The following CFAP61 variants were observed in gnomAD, a reference collection of about 807,000 sequenced individuals.
The protein encoded by CFAP61 is cilia and flagella associated protein 61.
Under a neutral mutation model 135.6 loss-of-function variants are expected in CFAP61, and 107 were observed. The observed-to-expected ratio is 0.79, with a 90% CI of 0.67 to 0.93. The LOEUF is 0.93. CFAP61 is among the 40% of genes least tolerant of loss of function. The pLI is 0.00. For missense variants in CFAP61, 1,507 were observed against 1,556.2 expected (o/e 0.97, Z 0.53); for synonymous variants, 575 against 578.5 (o/e 0.99, Z 0.09).
chr20:20,164,013 A>G (rs199755635), intron 10 of CFAP61, 37 bp from the exon 11 acceptor site: 2 of 1,549,886 alleles, frequency 1.3e-6, no homozygotes, highest in African/African-American at 1.4e-5. Flanking sequence ...GGGCATTGAC[A>G]GGATTCTCAT....
chr20:20,293,971 A>G (rs1304832627), intron 24 of CFAP61, among the ~76,000 whole-genome samples: 1 of 152,240 alleles, frequency 6.6e-6, no homozygotes, highest in Non-Finnish European at 1.5e-5. Flanking sequence ...ACCTTTGTCA[A>G]AATCATAAAG....
rs572540835 is a variant in CFAP61, at chr20:20,086,421, G to T, written c.567-4423G>T. On this transcript the variant is annotated intron_variant, in intron 6 of 26. Coordinates refer to ENST00000245957, the MANE Select transcript of CFAP61 (RefSeq NM_015585.4). ...TATGAGTGAGAACATGCAGTGTTTG[G>T]TTTTTTTGTCCTTGAGATAGTTTGC... Among the ~76,000 whole-genome samples the T allele has an allele frequency of 1.7e-3, 248 of 148,524 alleles. 1 individual carries two copies. The highest frequency in any genetic ancestry group is 5.7e-3 in the African/African-American group (227 of 40,134).
chr20:20,169,285 A>T (rs779304687), intron 12 of CFAP61, 36 bp from the exon 13 acceptor site: 1 of 1,559,040 alleles, frequency 6.4e-7, no homozygotes, highest in Non-Finnish European at 8.7e-7. Flanking sequence ...AATTTTTTTT[A>T]TTCTTTCTCT....
chr20:20,057,643 T>G (rs1170825896), intron 2 of CFAP61, among the ~76,000 whole-genome samples: 1 of 152,226 alleles, frequency 6.6e-6, no homozygotes, highest in Non-Finnish European at 1.5e-5. Context: ...CTTTTTTCTC[T>G]CTGTTTTGTT....
At chr20:20,217,138 G>A (rs1280110171) in intron 17 of CFAP61, among the ~76,000 whole-genome samples, 2 of 152,316 alleles carry the variant, frequency 1.3e-5, no homozygotes, top group South Asian at 2.1e-4. Flanking sequence ...AGCATACTCT[G>A]TAGGAATTTT....
At chr20:20,252,954 T>C (rs2051077882) in intron 20 of CFAP61, among the ~76,000 whole-genome samples, 1 of 152,192 alleles carries the variant, frequency 6.6e-6, no homozygotes, top group Non-Finnish European at 1.5e-5. Flanking sequence ...TCATCAGTAT[T>C]TTTCAGGTGC....
At chr20:20,069,612 C>T in intron 2 of CFAP61, 1 of 384,370 alleles carries the variant, frequency 2.6e-6, no homozygotes, top group South Asian at 2.0e-5. Flanking sequence ...ATGTACATTT[C>T]AACGTATAGT....
intron 6 of CFAP61, 66 bp from the exon 7 acceptor site, chr20:20,090,777 GT>G (rs2047136491): frequency 6.4e-7 from 1 of 1,554,808 alleles, no homozygotes; most frequent in Non-Finnish European, 8.8e-7. Context: ...CTGGCACACA[GT>G]TGGTGCCCTG....
intron 17 of CFAP61, among the ~76,000 whole-genome samples, chr20:20,224,777 G>A (rs2031670906): frequency 6.6e-6 from 1 of 152,196 alleles, no homozygotes; most frequent in Non-Finnish European, 1.5e-5. Flanking sequence ...AGGATGTGGA[G>A]GTAAGAATTG....
chr20:20,116,875 A>C (rs1434291992), intron 8 of CFAP61, among the ~76,000 whole-genome samples: 1 of 151,752 alleles, frequency 6.6e-6, no homozygotes, highest in East Asian at 1.9e-4. Flanking sequence ...CACATTTGTT[A>C]TACTCCTGGG....
chr20:20,281,897 A>C (rs978719028), intron 22 of CFAP61, among the ~76,000 whole-genome samples: 16 of 152,196 alleles, frequency 1.1e-4, no homozygotes, highest in African/African-American at 3.6e-4. Flanking sequence ...CATGGAGTTT[A>C]TATTGTTGAA....
Position 20,356,322 on chromosome 20 carries a change from G to A in CFAP61, c.3514-3888G>A, listed in dbSNP as rs373254331. 7.8e-5 allele frequency among the ~76,000 whole-genome samples: 11 copies of A among 141,432 alleles called. No homozygotes were observed. The East Asian group carries it at 2.3e-3, about 30-fold the overall frequency. 92.8% of individuals were successfully genotyped at this position (141,432 alleles called of 152,430 possible). On this transcript the variant is annotated intron_variant, in intron 26 of 26. Coordinates refer to ENST00000245957, the MANE Select transcript of CFAP61 (RefSeq NM_015585.4). ...GAGGAGGTGGTCACACTGAGGGGAAGTGGTCACACTGAGGGGAGGTGGTCA... is the reference window on the plus strand; with the variant it reads ...GAGGAGGTGGTCACACTGAGGGGAAATGGTCACACTGAGGGGAGGTGGTCA...
chr20:20,065,783 A>G lies in CFAP61; in HGVS notation c.144-5071A>G, dbSNP rs150356044. Among the ~76,000 whole-genome samples the G allele has an allele frequency of 2.8e-3, 420 of 152,260 alleles. 7 individuals are homozygous for G. The South Asian group carries it at 0.055, about 20-fold the overall frequency. On this transcript the variant is annotated intron_variant, in intron 2 of 26. Transcript: ENST00000245957. ...GCCGATGAGTGGGGAAAGGGCTGAA[A>G]GAATCACCTGCGTCCAGTGCAAATA...
chr20:20,068,859 C>T (rs1265008894), intron 2 of CFAP61, among the ~76,000 whole-genome samples: 1 of 152,188 alleles, frequency 6.6e-6, no homozygotes, highest in East Asian at 1.9e-4. Context: ...ATTCTCCTGC[C>T]TCAGCCTCCC....
At chr20:20,293,263 G>A (rs1004155719) in intron 24 of CFAP61, among the ~76,000 whole-genome samples, 1 of 152,138 alleles carries the variant, frequency 6.6e-6, no homozygotes, top group Non-Finnish European at 1.5e-5. Flanking sequence ...AGCCAAAAGG[G>A]GTTTTTAGAT....
intron 13 of CFAP61, among the ~76,000 whole-genome samples, chr20:20,177,958 A>G (rs974496804): frequency 2.0e-5 from 3 of 151,924 alleles, no homozygotes; most frequent in African/African-American, 7.3e-5. Flanking sequence ...TTTTTGCTTC[A>G]CTTCTCTTTA....
At chr20:20,340,553 G>A (rs540651958) in intron 25 of CFAP61, among the ~76,000 whole-genome samples, 29 of 152,182 alleles carry the variant, frequency 1.9e-4, no homozygotes, top group African/African-American at 4.8e-4. Flanking sequence ...GGTCCCCGAC[G>A]GGCAACACAG....
chr20:20,215,611 T>C (rs1247556765), intron 17 of CFAP61, among the ~76,000 whole-genome samples: 2 of 152,196 alleles, frequency 1.3e-5, no homozygotes, highest in African/African-American at 4.8e-5. Flanking sequence ...ATTGCAATCA[T>C]CACTGACTAA....
intron 25 of CFAP61, among the ~76,000 whole-genome samples, chr20:20,308,450 G>T (rs1260776434): frequency 6.6e-6 from 1 of 151,368 alleles, no homozygotes; most frequent in Non-Finnish European, 1.5e-5. Context: ...GGGCTGGTGT[G>T]GGGGAAGGGG....
Sources: allele counts gnomAD v4.1 joint callset (sites outside exome capture counted in the v4.1 genomes callset), GRCh38; gene constraint gnomAD v4.1.1; transcripts MANE v1.5; gene names NCBI Gene and HGNC (gene_info 2026-07-23, HGNC 2026-07-21).